NRP1: variants seen among roughly 807,000 people sequenced by gnomAD.
NRP1 encodes the protein neuropilin 1.
A neutral mutation model predicts 106.7 loss-of-function variants in NRP1; 35 were observed. The ratio of observed to expected loss-of-function variants is 0.33; its 90% CI spans 0.25 to 0.43. The LOEUF (loss-of-function observed/expected upper bound fraction) is 0.43, where lower values mean the gene tolerates loss of function less well. Ranked by LOEUF, NRP1 falls within the 20% of genes least tolerant of loss-of-function variation. The pLI, the probability that NRP1 is intolerant of heterozygous loss-of-function variation, is 1.00. For synonymous variants in NRP1, 437 were observed against 417.9 expected (o/e 1.05, Z -0.56); for missense variants, 1,024 against 1,170.4 (o/e 0.87, Z 1.83).
intron 4 of NRP1, among the ~76,000 whole-genome samples, chr10:33,260,355 T>C (rs558537496): frequency 1.3e-5 from 2 of 152,308 alleles, no homozygotes; most frequent in African/African-American, 2.4e-5. Flanking sequence ...CTATCTCTTC[T>C]AAATTAATCT....
rs751021360 is a variant in NRP1, at chr10:33,192,267, G to A, written c.2062+14C>T. The stretch of plus-strand genomic sequence containing the variant: ...ATCTGCAAAGCCATGCAGCCGAAGT[G>A]AACTCTGTGATACCTGTGTGATCCT... On this transcript the variant is annotated intron_variant, in intron 13 of 16. Transcript: ENST00000374867. The A allele has an allele frequency of 2.5e-6, 4 of 1,607,724 alleles. No homozygotes were observed. The Admixed American group carries it at 5.1e-5, about 20-fold the overall frequency.
At chr10:33,313,870 A>G (rs190058410) in intron 2 of NRP1, among the ~76,000 whole-genome samples, 1 of 152,304 alleles carries the variant, frequency 6.6e-6, no homozygotes, top group Admixed American at 6.5e-5. Flanking sequence ...TCTGCCCCAG[A>G]CAGTCTTTTG....
chr10:33,197,895 TA>T (rs1205530162), intron 11 of NRP1, among the ~76,000 whole-genome samples, 186 bp from the exon 12 acceptor site: 11 of 146,306 alleles, frequency 7.5e-5, no homozygotes, highest in African/African-American at 2.0e-4. Flanking sequence ...AATAAACCAT[TA>T]TTTTTTTTTT....
chr10:33,204,856 C>G (rs910757282), intron 10 of NRP1, among the ~76,000 whole-genome samples: 1 of 152,060 alleles, frequency 6.6e-6, no homozygotes, highest in Non-Finnish European at 1.5e-5. Context: ...CTCAGCCTCA[C>G]GAGTAGCTGG....
intron 12 of NRP1, among the ~76,000 whole-genome samples, chr10:33,193,762 A>T (rs184652634): frequency 8.5e-5 from 13 of 152,268 alleles, no homozygotes; most frequent in Admixed American, 6.5e-4. Flanking sequence ...CCCCAATGGC[A>T]GGAGGAATTT....
intron 2 of NRP1, among the ~76,000 whole-genome samples, chr10:33,310,150 C>T (rs536923491): frequency 6.6e-6 from 1 of 151,394 alleles, no homozygotes. Flanking sequence ...GGGGTTTCAC[C>T]GTGTTAACCA....
chr10:33,255,363 T>C (rs957176717), intron 5 of NRP1, among the ~76,000 whole-genome samples: 9 of 152,216 alleles, frequency 5.9e-5, no homozygotes, highest in Non-Finnish European at 1.0e-4. Context: ...ATCTGTAGAA[T>C]ACCTCTCCAA....
intron 2 of NRP1, among the ~76,000 whole-genome samples, chr10:33,316,997 G>A (rs1847085211): frequency 6.6e-6 from 1 of 152,172 alleles, no homozygotes; most frequent in African/African-American, 2.4e-5. Flanking sequence ...GAGAGACAGA[G>A]ATATATGAAA....
chr10:33,255,989 G>A (rs762403536), intron 5 of NRP1, among the ~76,000 whole-genome samples: 4 of 152,106 alleles, frequency 2.6e-5, no homozygotes, highest in African/African-American at 4.8e-5. Flanking sequence ...GTCCTCTTAT[G>A]ATGCTCAGCC....
At chr10:33,181,778 C>T (rs936418750) in intron 16 of NRP1, among the ~76,000 whole-genome samples, 6 of 152,180 alleles carry the variant, frequency 3.9e-5, no homozygotes, top group African/African-American at 7.2e-5. Context: ...AAATACAACC[C>T]CTAGAGCTGC....
chr10:33,300,145 T>C (rs1845700876), intron 2 of NRP1, among the ~76,000 whole-genome samples: 1 of 152,240 alleles, frequency 6.6e-6, no homozygotes, highest in South Asian at 2.1e-4. Context: ...ACACCCTGTG[T>C]ACATTTAGGC....
intron 2 of NRP1, among the ~76,000 whole-genome samples, chr10:33,308,947 C>T (rs1013599372): frequency 1.3e-5 from 2 of 151,996 alleles, no homozygotes; most frequent in African/African-American, 4.8e-5. Flanking sequence ...ATGTTAGTCC[C>T]AAATAAAGTT....
intron 2 of NRP1, among the ~76,000 whole-genome samples, chr10:33,328,060 G>A (rs550773538): frequency 3.9e-5 from 6 of 151,948 alleles, no homozygotes; most frequent in African/African-American, 1.4e-4. Context: ...TTACTCTGTA[G>A]CATTAAAAAA....
At chr10:33,195,402 AT>A in intron 12 of NRP1, 1 of 422,144 alleles carries the variant, frequency 2.4e-6, no homozygotes, top group Non-Finnish European at 4.7e-6. Context: ...TATGCATCTG[AT>A]TACATAAAAG....
intron 2 of NRP1, among the ~76,000 whole-genome samples, chr10:33,309,875 T>C (rs748418338): frequency 4.6e-5 from 7 of 152,348 alleles, no homozygotes; most frequent in African/African-American, 9.6e-5. Context: ...AGTTCTTTTT[T>C]GCACATCTCT....
chr10:33,238,867 T>C (rs1049400139), intron 6 of NRP1, among the ~76,000 whole-genome samples: 1 of 151,988 alleles, frequency 6.6e-6, no homozygotes, highest in Non-Finnish European at 1.5e-5. Flanking sequence ...ACCTAATATT[T>C]TTTTACTTAG....
chr10:33,287,938 C>T (rs533715525), intron 2 of NRP1, among the ~76,000 whole-genome samples: 27 of 152,276 alleles, frequency 1.8e-4, no homozygotes, highest in African/African-American at 6.5e-4. Context: ...CCATTCACAA[C>T]GTCAGAGCTG....
intron 2 of NRP1, among the ~76,000 whole-genome samples, chr10:33,285,786 T>C (rs1294758364): frequency 6.6e-6 from 1 of 152,040 alleles, no homozygotes; most frequent in East Asian, 1.9e-4. Flanking sequence ...GGAGCCAAGA[T>C]TGAGCCACTG....
intron 6 of NRP1, among the ~76,000 whole-genome samples, chr10:33,236,705 C>T (rs1361111823): frequency 3.3e-5 from 5 of 152,206 alleles, no homozygotes; most frequent in South Asian, 2.1e-4. Flanking sequence ...AATGAGTTAA[C>T]GGCTGGTTTG....
Sources: gnomAD v4.1 joint callset for allele counts (sites outside exome capture counted in the v4.1 genomes callset) on GRCh38, gnomAD v4.1.1 for gene constraint, MANE v1.5 for transcripts, NCBI Gene and HGNC (gene_info 2026-07-23, HGNC 2026-07-21) for gene names.